PCCA: variants seen among roughly 807,000 people sequenced by gnomAD.
The protein encoded by PCCA is propionyl-CoA carboxylase alpha chain, mitochondrial.
PCCA carries 74 observed loss-of-function variants against 101.3 expected under a neutral mutation model. That is an observed-to-expected ratio of 0.73 (90% CI 0.61 to 0.89). The LOEUF (loss-of-function observed/expected upper bound fraction) is 0.89, where lower values mean the gene tolerates loss of function less well. Among genes scored for constraint, PCCA ranks in the 40% least tolerant of loss-of-function variants. The pLI is 0.00. For synonymous variants in PCCA, 294 were observed against 313.6 expected, an observed-to-expected ratio of 0.94 and a Z score of 0.66; for missense variants, 891 against 907.0, an observed-to-expected ratio of 0.98 and a Z score of 0.23.
At chr13:100,462,374 G>C (rs1183962764) in intron 21 of PCCA, among the ~76,000 whole-genome samples, 4 of 152,160 alleles carry the variant, frequency 2.6e-5, no homozygotes, top group Admixed American at 2.6e-4. Context: ...TTGCCTGCCT[G>C]CTATACTATG....
At chr13:100,481,844 C>T (rs2083965620) in intron 21 of PCCA, among the ~76,000 whole-genome samples, 1 of 152,138 alleles carries the variant, frequency 6.6e-6, no homozygotes, top group African/African-American at 2.4e-5. Flanking sequence ...CCTTGGAAAG[C>T]TAAAACCTTG....
intron 7 of PCCA, among the ~76,000 whole-genome samples, chr13:100,210,122 C>A (rs2059118761): frequency 6.6e-6 from 1 of 151,708 alleles, no homozygotes; most frequent in Non-Finnish European, 1.5e-5. Flanking sequence ...GGACTGCAGA[C>A]ACACACCACC....
At chr13:100,413,987 C>A (rs895229455) in intron 19 of PCCA, among the ~76,000 whole-genome samples, 5 of 152,118 alleles carry the variant, frequency 3.3e-5, no homozygotes, top group Non-Finnish European at 5.9e-5. Context: ...TTTTTGTAGA[C>A]CGTAAAACTG....
intron 10 of PCCA, among the ~76,000 whole-genome samples, chr13:100,267,532 A>G (rs1340354673): frequency 1.3e-5 from 2 of 152,332 alleles, no homozygotes; most frequent in Non-Finnish European, 1.5e-5. Flanking sequence ...TGCACAAAGA[A>G]ACAGAATGAC....
intron 4 of PCCA, chr13:100,150,726 C>A: frequency 6.3e-7 from 1 of 1,584,220 alleles, no homozygotes; most frequent in East Asian, 2.2e-5. Flanking sequence ...TATGTGGAAT[C>A]TTCACCAACC....
chr13:100,217,383 G>C (rs2059578291), intron 7 of PCCA, among the ~76,000 whole-genome samples: 1 of 151,468 alleles, frequency 6.6e-6, no homozygotes, highest in African/African-American at 2.4e-5. Context: ...GGTGGAGCTT[G>C]CAGTGAGCCG....
Position 100,089,149 on chromosome 13 carries a change from C to G in PCCA, c.29C>G (p.Pro10Arg). The G allele has an allele frequency of 6.6e-7, 1 of 1,523,238 alleles. No individual in the cohort carries two copies. The highest frequency in any genetic ancestry group is 8.8e-7 in the Non-Finnish European group (1 of 1,136,354). The allele number at this position is 1,523,238 out of a possible 1,614,324, so 94.4% of individuals were successfully genotyped here. MAGFWVGTAPLVAAGRRGRW... is the reference protein window; with the variant it reads MAGFWVGTARLVAAGRRGRW... ...GCGGGGTTCTGGGTCGGGACAGCAC[C>G]GCTGGTCGCTGCCGGACGGCGTGGG... The change falls in exon 1 of 24, where the codon CCG (proline) becomes CGG (arginine). Residue 10 changes from proline (P) to arginine (R), a missense_variant. Coordinates refer to ENST00000376285, the MANE Select transcript of PCCA (RefSeq NM_000282.4).
chr13:100,285,556 T>TG (rs1336879803), intron 12 of PCCA, among the ~76,000 whole-genome samples: 1 of 152,214 alleles, frequency 6.6e-6, no homozygotes, highest in Non-Finnish European at 1.5e-5. Flanking sequence ...AGGATCTCAC[T>TG]GTCTGGACTA....
intron 21 of PCCA, among the ~76,000 whole-genome samples, chr13:100,450,781 AAATTTT>A (rs2081168778): frequency 6.6e-6 from 1 of 152,230 alleles, no homozygotes; most frequent in African/African-American, 2.4e-5. Flanking sequence ...AATGTAACCT[AAATTTT>A]AAGTATTGGA....
At chr13:100,438,187 G>C (rs562171721) in intron 20 of PCCA, among the ~76,000 whole-genome samples, 2 of 150,066 alleles carry the variant, frequency 1.3e-5, no homozygotes, top group African/African-American at 4.9e-5. Flanking sequence ...ATAGGGTCTT[G>C]CTCTGTTGCC....
chr13:100,400,898 T>C (rs1258893216), intron 19 of PCCA, among the ~76,000 whole-genome samples: 1 of 152,150 alleles, frequency 6.6e-6, no homozygotes, highest in Non-Finnish European at 1.5e-5. Context: ...AGTGTTAGGA[T>C]TACAGGCGTG....
chr13:100,314,627 T>C (rs775190833), intron 16 of PCCA, among the ~76,000 whole-genome samples: 1 of 152,230 alleles, frequency 6.6e-6, no homozygotes, highest in Non-Finnish European at 1.5e-5. Flanking sequence ...TCAACAGTCA[T>C]TTCTATGATA....
chr13:100,140,200 T>C (rs1290040394), intron 4 of PCCA, among the ~76,000 whole-genome samples: 4 of 152,208 alleles, frequency 2.6e-5, no homozygotes, highest in African/African-American at 9.6e-5. Context: ...TACCTTGCTC[T>C]GCTGTTCAAA....
At chr13:100,426,079 G>A (rs1178618619) in intron 20 of PCCA, among the ~76,000 whole-genome samples, 2 of 150,328 alleles carry the variant, frequency 1.3e-5, no homozygotes, top group Non-Finnish European at 3.0e-5. Context: ...TTTCTTTTCT[G>A]TGCAGTTGAA....
chr13:100,146,617 A>G (rs566499959), intron 4 of PCCA, among the ~76,000 whole-genome samples: 17 of 152,182 alleles, frequency 1.1e-4, no homozygotes, highest in Admixed American at 3.9e-4. Context: ...AAATACAGGT[A>G]GCTTACAAAC....
intron 1 of PCCA, among the ~76,000 whole-genome samples, chr13:100,101,660 C>G (rs9585345): frequency 0.037 from 5,664 of 152,082 alleles, 345 homozygotes; most frequent in African/African-American, 0.13. Context: ...AGTGCAATGG[C>G]AGGATCTAGG....
chr13:100,242,908 G>GT (rs1311527085), intron 8 of PCCA, among the ~76,000 whole-genome samples: 5 of 151,760 alleles, frequency 3.3e-5, no homozygotes, highest in Admixed American at 2.7e-4. Flanking sequence ...GGTGGTGGTT[G>GT]TTTTTTGAGA....
chr13:100,342,925 T>A (rs2071605293), intron 18 of PCCA, among the ~76,000 whole-genome samples: 1 of 151,936 alleles, frequency 6.6e-6, no homozygotes, highest in Non-Finnish European at 1.5e-5. Flanking sequence ...TTTCACCATG[T>A]TGTCCAGGCT....
At chr13:100,385,525 CCACACACACATT>C (rs2076450762) in intron 19 of PCCA, among the ~76,000 whole-genome samples, 1 of 152,300 alleles carries the variant, frequency 6.6e-6, no homozygotes, top group Non-Finnish European at 1.5e-5. Context: ...GTGCTAAAAG[CCACACACACATT>C]CAAGTGAAAA....
Sources: gnomAD v4.1 joint callset for allele counts (sites outside exome capture counted in the v4.1 genomes callset) on GRCh38, gnomAD v4.1.1 for gene constraint, MANE v1.5 for transcripts, NCBI Gene and HGNC (gene_info 2026-07-23, HGNC 2026-07-21) for gene names.